The following NEGR1 variants were observed in gnomAD, a reference collection of about 807,000 sequenced individuals.
NEGR1 encodes IgLON family member 4.
A neutral mutation model predicts 40.9 loss-of-function variants in NEGR1; 10 were observed. The observed-to-expected ratio is 0.24, with a 90% CI of 0.15 to 0.42. The LOEUF (loss-of-function observed/expected upper bound fraction) is 0.42, where lower values mean the gene tolerates loss of function less well. NEGR1 is among the 10% of genes least tolerant of loss of function. The pLI, the probability that NEGR1 is intolerant of heterozygous loss-of-function variation, is 1.00. For synonymous variants in NEGR1, 185 were observed against 166.8 expected (o/e 1.11, Z -0.84); for missense variants, 352 against 438.9 (o/e 0.80, Z 1.77).
Position 71,857,626 on chromosome 1 carries a change from CAAAAAAAAAAAAAAAAAAA to C in NEGR1, c.409+77434_409+77452del, listed in dbSNP as rs59343025. 1.5e-4 allele frequency among the ~76,000 whole-genome samples: 8 copies of C among 53,440 alleles called. No homozygotes were observed. The Admixed American group carries it at 2.1e-3, about 14-fold the overall frequency. 35.1% of individuals were successfully genotyped at this position (53,440 alleles called of 152,430 possible). On this transcript the variant is annotated intron_variant, in intron 2 of 6. Coordinates refer to ENST00000357731, the MANE Select transcript of NEGR1 (RefSeq NM_173808.3). ...TAGGTGACAAAGTGAGATCCTGTCT[CAAAAAAAAAAAAAAAAAAA>C]AAAAAAAAAAATTGAACCACAATCT...
intron 1 of NEGR1, among the ~76,000 whole-genome samples, chr1:72,061,920 G>T (rs1246695750): frequency 6.6e-6 from 1 of 151,678 alleles, no homozygotes; most frequent in East Asian, 1.9e-4. Context: ...CTCCCTGCCT[G>T]CAGTCTCCAC....
In NEGR1 at chr1:71,542,580, C is replaced by T. The variant is rs1647747312; in HGVS notation, c.940+50237G>A. Among the ~76,000 whole-genome samples the T allele has an allele frequency of 2.6e-5, 4 of 151,592 alleles. No individual in the cohort carries two copies. The South Asian group carries it at 8.3e-4, about 31-fold the overall frequency. On this transcript the variant is annotated intron_variant, in intron 6 of 6. Transcript: ENST00000357731. ...GGGCCCAGCAGATACAGTGATATGC[C>T]CAAATCATACAGCCAGTATACTGCA...
intron 6 of NEGR1, among the ~76,000 whole-genome samples, chr1:71,449,733 G>A (rs11577380): frequency 0.079 from 11,975 of 152,044 alleles, 507 homozygotes; most frequent in East Asian, 0.12. Context: ...TATACATGGT[G>A]GAACTAAGGT....
chr1:71,406,293 C>CT lies in NEGR1; in HGVS notation c.*1152dup, dbSNP rs1430108970. On this transcript the variant is annotated 3_prime_UTR_variant, in exon 7 of 7. Coordinates refer to ENST00000357731, the MANE Select transcript of NEGR1 (RefSeq NM_173808.3). ...ATTCCAGACTATCAACTGAGTGATA[C>CT]TTTCAGATGGAAAATATGCAAAATG... 1 of 151,878 alleles carries CT rather than the reference C, an allele frequency of 6.6e-6. No individual in the cohort carries two copies. The highest frequency in any genetic ancestry group is 1.5e-5 in the Non-Finnish European group (1 of 67,870). 9.4% of individuals were successfully genotyped at this position (151,878 alleles called of 1,614,324 possible).
At chr1:71,576,015 T>C (rs1648955447) in intron 6 of NEGR1, among the ~76,000 whole-genome samples, 2 of 152,192 alleles carry the variant, frequency 1.3e-5, no homozygotes, top group Non-Finnish European at 2.9e-5. Flanking sequence ...CCATGCAAGC[T>C]GCTCAGCCCC....
chr1:71,510,029 T>A (rs1169866955), intron 6 of NEGR1, among the ~76,000 whole-genome samples: 1 of 152,166 alleles, frequency 6.6e-6, no homozygotes, highest in Admixed American at 6.5e-5. Flanking sequence ...CTTTACAAGG[T>A]CTAACAACTC....
At chr1:71,420,936 A>G (rs1172187485) in intron 6 of NEGR1, among the ~76,000 whole-genome samples, 1 of 152,040 alleles carries the variant, frequency 6.6e-6, no homozygotes, top group East Asian at 1.9e-4. Flanking sequence ...ATTTCAACCA[A>G]TAAAATACAA....
intron 6 of NEGR1, among the ~76,000 whole-genome samples, chr1:71,587,150 T>C (rs1017219355): frequency 6.6e-6 from 1 of 152,062 alleles, no homozygotes; most frequent in African/African-American, 2.4e-5. Context: ...CAGGGTTCAT[T>C]ATAATAGGTA....
intron 1 of NEGR1, among the ~76,000 whole-genome samples, chr1:71,987,406 G>A (rs963748488): frequency 6.6e-6 from 1 of 152,186 alleles, no homozygotes; most frequent in Non-Finnish European, 1.5e-5. Flanking sequence ...AACCACTCAC[G>A]TGGTACTGAT....
intron 1 of NEGR1, among the ~76,000 whole-genome samples, chr1:72,276,608 T>C (rs891707463): frequency 6.6e-6 from 1 of 152,198 alleles, no homozygotes; most frequent in Admixed American, 6.5e-5. Flanking sequence ...GTATGGATTA[T>C]AAAGCCTCTT....
chr1:71,409,224 C>T (rs1475501242), intron 6 of NEGR1, among the ~76,000 whole-genome samples: 2 of 151,754 alleles, frequency 1.3e-5, no homozygotes, highest in African/African-American at 4.8e-5. Flanking sequence ...CTTTTCTAGA[C>T]CTAGAAAAAT....
At chr1:71,997,610 T>C (rs1248300786) in intron 1 of NEGR1, among the ~76,000 whole-genome samples, 1 of 152,030 alleles carries the variant, frequency 6.6e-6, no homozygotes, top group Non-Finnish European at 1.5e-5. Flanking sequence ...GAAACAACAC[T>C]ATTTTTTGTG....
chr1:71,524,377 A>T (rs1256526818), intron 6 of NEGR1, among the ~76,000 whole-genome samples: 1 of 150,462 alleles, frequency 6.6e-6, no homozygotes, highest in Non-Finnish European at 1.5e-5. Flanking sequence ...ATTTGATAAA[A>T]TATTGTAAAA....
intron 2 of NEGR1, among the ~76,000 whole-genome samples, chr1:71,920,711 A>C (rs1056284002): frequency 6.6e-6 from 1 of 152,226 alleles, no homozygotes; most frequent in East Asian, 1.9e-4. Context: ...GTTAGTGTCC[A>C]AAATCAGTTA....
intron 1 of NEGR1, among the ~76,000 whole-genome samples, chr1:72,001,076 C>A (rs574897652): frequency 4.1e-4 from 62 of 152,078 alleles, no homozygotes; most frequent in Non-Finnish European, 7.4e-4. Flanking sequence ...GTAACTCAAG[C>A]TAAGGGCCTG....
intron 6 of NEGR1, among the ~76,000 whole-genome samples, chr1:71,571,722 G>A (rs572889071): frequency 6.7e-6 from 1 of 150,130 alleles, no homozygotes; most frequent in East Asian, 2.0e-4. Context: ...AAGCCCAAGA[G>A]GTCAAGGCTG....
intron 3 of NEGR1, among the ~76,000 whole-genome samples, chr1:71,761,360 T>C (rs991656540): frequency 1.3e-5 from 2 of 152,182 alleles, no homozygotes; most frequent in Non-Finnish European, 2.9e-5. Context: ...CAGGACACTT[T>C]GGCCCATAGG....
intron 4 of NEGR1, among the ~76,000 whole-genome samples, chr1:71,661,720 C>T (rs1303312312): frequency 6.6e-6 from 1 of 152,070 alleles, no homozygotes; most frequent in African/African-American, 2.4e-5. Context: ...GTTCTGTGTC[C>T]CTTCTTTTCA....
intron 6 of NEGR1, among the ~76,000 whole-genome samples, chr1:71,550,905 G>A (rs952915211): frequency 2.0e-5 from 3 of 151,666 alleles, no homozygotes; most frequent in East Asian, 2.0e-4. Flanking sequence ...TATTCACTAC[G>A]TATACATTTA....
Sources: allele counts gnomAD v4.1 joint callset (sites outside exome capture counted in the v4.1 genomes callset), GRCh38; gene constraint gnomAD v4.1.1; transcripts MANE v1.5; gene names NCBI Gene and HGNC (gene_info 2026-07-23, HGNC 2026-07-21).